The following SCNN1B variants were observed in gnomAD, a reference collection of about 807,000 sequenced individuals.
The protein encoded by SCNN1B is epithelial sodium channel subunit beta.
SCNN1B carries 46 observed loss-of-function variants against 65.3 expected under a neutral mutation model. The ratio of observed to expected loss-of-function variants is 0.70; its 90% CI spans 0.56 to 0.90. The LOEUF (loss-of-function observed/expected upper bound fraction) is 0.90, where lower values mean the gene tolerates loss of function less well. Among genes scored for constraint, SCNN1B ranks in the 40% least tolerant of loss-of-function variants. The pLI is 0.00. For synonymous variants in SCNN1B, 349 were observed against 330.6 expected (o/e 1.06, Z -0.60); for missense variants, 751 against 830.5 (o/e 0.90, Z 1.18).
intron 2 of SCNN1B, among the ~76,000 whole-genome samples, chr16:23,351,296 G>A (rs1962303862): frequency 6.6e-6 from 1 of 152,114 alleles, no homozygotes. Context: ...GATTCTCTGG[G>A]TTACTTATTT....
At chr16:23,362,737 A>AT (rs1404521701) in intron 4 of SCNN1B, among the ~76,000 whole-genome samples, 2 of 152,256 alleles carry the variant, frequency 1.3e-5, no homozygotes, top group African/African-American at 4.8e-5. Flanking sequence ...GCCACACCCC[A>AT]TGCAGCCTCC....
intron 1 of SCNN1B, among the ~76,000 whole-genome samples, chr16:23,335,713 C>T (rs1187807445): frequency 6.6e-6 from 1 of 151,852 alleles, no homozygotes; most frequent in Non-Finnish European, 1.5e-5. Context: ...TCCCAAAGTG[C>T]TGGGATTATA....
intron 7 of SCNN1B, among the ~76,000 whole-genome samples, chr16:23,373,226 C>T (rs1472140427): frequency 1.3e-5 from 2 of 152,198 alleles, no homozygotes; most frequent in Admixed American, 6.5e-5. Flanking sequence ...TCAAGCAATC[C>T]GCCTGCCTCA....
At chr16:23,340,900 G>A (rs1962041696) in intron 1 of SCNN1B, among the ~76,000 whole-genome samples, 1 of 61,834 alleles carries the variant, frequency 1.6e-5, no homozygotes, top group Admixed American at 1.3e-4. Flanking sequence ...GCTTTGAAGT[G>A]TGTGTGTGTG....
chr16:23,287,499 C>G (rs763130723), intron 2 of SCNN1B, among the ~76,000 whole-genome samples: 5 of 151,898 alleles, frequency 3.3e-5, no homozygotes, highest in African/African-American at 1.2e-4. Context: ...ATCATTTGAG[C>G]CTAGGAGTTC....
chr16:23,302,270 G>GT (rs1386633324), upstream of SCNN1B: 1 of 152,496 alleles, frequency 6.6e-6, no homozygotes, highest in Non-Finnish European at 1.5e-5. Context: ...GGCGCTCCCC[G>GT]TGCTTCCCCG....
chr16:23,302,098 G>C (rs750994140), upstream of SCNN1B, among the ~76,000 whole-genome samples: 3 of 152,182 alleles, frequency 2.0e-5, no homozygotes, highest in Non-Finnish European at 4.4e-5. Flanking sequence ...GGTGTCCCGA[G>C]GTGGGGAGGG....
intron 1 of SCNN1B, among the ~76,000 whole-genome samples, chr16:23,306,963 C>A (rs1961232309): frequency 6.6e-6 from 1 of 152,252 alleles, no homozygotes; most frequent in Admixed American, 6.5e-5. Flanking sequence ...CCCCTGTAGT[C>A]GTCATAATGC....
intron 4 of SCNN1B, among the ~76,000 whole-genome samples, chr16:23,367,214 C>T (rs1481307780): frequency 6.6e-6 from 1 of 152,214 alleles, no homozygotes. Flanking sequence ...GGTTCCGGGG[C>T]TGAGGACATG....
chr16:23,305,961 G>A (rs1449027634), intron 1 of SCNN1B, among the ~76,000 whole-genome samples: 1 of 151,972 alleles, frequency 6.6e-6, no homozygotes, highest in Non-Finnish European at 1.5e-5. Flanking sequence ...ACAAGTTTCA[G>A]GCCAGGCGCA....
chr16:23,356,655 C>T (rs1251967736), intron 4 of SCNN1B, among the ~76,000 whole-genome samples: 4 of 151,642 alleles, frequency 2.6e-5, no homozygotes, highest in African/African-American at 7.3e-5. Flanking sequence ...CAAAAAAACA[C>T]GAGGTTATAA....
intron 4 of SCNN1B, among the ~76,000 whole-genome samples, chr16:23,367,152 G>GA (rs1441214179): frequency 6.6e-6 from 1 of 152,178 alleles, no homozygotes; most frequent in Non-Finnish European, 1.5e-5. Context: ...CTCATCTCGA[G>GA]ATCCTTAGCA....
Position 23,367,977 on chromosome 16 carries a change from G to A in SCNN1B, c.880+18G>A, listed in dbSNP as rs201941596. The A allele has an allele frequency of 6.1e-5, 97 of 1,577,690 alleles. No individual in the cohort carries two copies. The African/African-American group carries it at 1.0e-3, about 17-fold the overall frequency. On this transcript the variant is annotated intron_variant, in intron 5 of 12. Transcript: ENST00000343070. ...TGAATTCGGTGAGTTTTGGTTTATC[G>A]TGGGGCCAGAGCCATGAGGCTTTAA...
At chr16:23,338,343 G>C (rs1961985670) in intron 1 of SCNN1B, among the ~76,000 whole-genome samples, 1 of 152,178 alleles carries the variant, frequency 6.6e-6, no homozygotes, top group Non-Finnish European at 1.5e-5. Context: ...AGCTGTGGCT[G>C]TTACACCTGG....
chr16:23,283,185 T>C (rs897260360), intron 1 of SCNN1B, among the ~76,000 whole-genome samples: 6 of 152,104 alleles, frequency 3.9e-5, no homozygotes, highest in African/African-American at 1.4e-4. Context: ...CTGAGGCAGG[T>C]GGATCACTTG....
intron 4 of SCNN1B, among the ~76,000 whole-genome samples, chr16:23,365,981 G>A (rs950081638): frequency 2.0e-5 from 3 of 152,270 alleles, no homozygotes; most frequent in African/African-American, 7.2e-5. Flanking sequence ...TGAAAACACG[G>A]GAAAATAACA....
Position 23,372,856 on chromosome 16 carries a change from T to C in SCNN1B, c.1152+973T>C, listed in dbSNP as rs538572698. On this transcript the variant is annotated intron_variant, in intron 7 of 12. Coordinates refer to ENST00000343070, the MANE Select transcript of SCNN1B (RefSeq NM_000336.3). Reference sequence around the variant, plus strand: ...GGCTCACGCCTGTAATCCCAGCACTTTGGGAGTGCGAAGCGGGTACATCAC... The same window carrying C: ...GGCTCACGCCTGTAATCCCAGCACTCTGGGAGTGCGAAGCGGGTACATCAC... 3.9e-4 allele frequency among the ~76,000 whole-genome samples: 59 copies of C among 149,388 alleles called. No homozygotes were observed. The South Asian group carries it at 0.012, about 30-fold the overall frequency.
Position 23,381,028 on chromosome 16 carries a change from T to TC in SCNN1B, c.*227_*228insC. The TC allele has an allele frequency of 3.3e-6, 2 of 611,080 alleles. No individual in the cohort carries two copies. Among genetic ancestry groups the TC allele is most frequent in the Non-Finnish European group, 5.9e-6 (2 of 339,072 alleles). The allele number at this position is 611,080 out of a possible 1,614,324, so 37.9% of individuals were successfully genotyped here. A position where few individuals can be genotyped will look rare whatever the true frequency, so the allele number is the denominator to read the frequency against. On this transcript the variant is annotated 3_prime_UTR_variant, in exon 13 of 13. Transcript: ENST00000343070. ...TGCAGGAATAAATTGTATCTTCACC[T>TC]GGTTCCTACCCTCGTCCCTACCTGT...
chr16:23,356,181 G>A (rs1024709513), intron 4 of SCNN1B, among the ~76,000 whole-genome samples: 1 of 152,200 alleles, frequency 6.6e-6, no homozygotes, highest in African/African-American at 2.4e-5. Context: ...GCAGCTGGGG[G>A]TGGGTGCACC....
Sources: gnomAD v4.1 joint callset for allele counts (sites outside exome capture counted in the v4.1 genomes callset) on GRCh38, gnomAD v4.1.1 for gene constraint, MANE v1.5 for transcripts, NCBI Gene and HGNC (gene_info 2026-07-23, HGNC 2026-07-21) for gene names.